The following MAGI2 variants were observed in gnomAD, a reference collection of about 807,000 sequenced individuals.
The protein encoded by MAGI2 is membrane associated guanylate kinase, WW and PDZ domain containing 2.
A neutral mutation model predicts 133.3 loss-of-function variants in MAGI2; 35 were observed. The observed-to-expected ratio is 0.26, with a 90% CI of 0.20 to 0.35. The LOEUF is 0.35. Among genes scored for constraint, MAGI2 ranks in the 10% least tolerant of loss-of-function variants. The pLI is 1.00. For synonymous variants in MAGI2, 729 were observed against 710.6 expected (o/e 1.03, Z -0.41); for missense variants, 1,636 against 1,863.4 (o/e 0.88, Z 2.25).
intron 9 of MAGI2, among the ~76,000 whole-genome samples, chr7:78,296,669 C>T (rs1321607037): frequency 6.6e-6 from 1 of 152,162 alleles, no homozygotes; most frequent in African/African-American, 2.4e-5. Flanking sequence ...TAGCTCACTC[C>T]CTTTTCTCCA....
intron 16 of MAGI2, among the ~76,000 whole-genome samples, chr7:78,155,480 G>C (rs1584178172): frequency 6.6e-6 from 1 of 152,096 alleles, no homozygotes; most frequent in Non-Finnish European, 1.5e-5. Flanking sequence ...TGGACATGGT[G>C]GTGCATGGTG....
intron 2 of MAGI2, among the ~76,000 whole-genome samples, chr7:78,889,301 C>T (rs1238508981): frequency 1.3e-5 from 2 of 152,206 alleles, no homozygotes; most frequent in Non-Finnish European, 2.9e-5. Flanking sequence ...TTGGAAAACA[C>T]TTTGCAGGAT....
intron 10 of MAGI2, among the ~76,000 whole-genome samples, chr7:78,210,682 G>A (rs1378111368): frequency 6.6e-6 from 1 of 152,186 alleles, no homozygotes; most frequent in African/African-American, 2.4e-5. Flanking sequence ...AAATAATGCA[G>A]CAAAATTGTG....
chr7:78,240,930 G>GA (rs1452431610), intron 10 of MAGI2, among the ~76,000 whole-genome samples: 1 of 151,338 alleles, frequency 6.6e-6, no homozygotes, highest in East Asian at 1.9e-4. Context: ...AATAAATTTG[G>GA]AAAAAAAAGA....
At chr7:79,222,301 A>T (rs1270566412) in intron 1 of MAGI2, among the ~76,000 whole-genome samples, 3 of 152,096 alleles carry the variant, frequency 2.0e-5, no homozygotes, top group African/African-American at 7.3e-5. Context: ...TACAGAGTAT[A>T]ACAAGAAATA....
At chr7:79,438,774 T>C (rs1261137615) in intron 1 of MAGI2, among the ~76,000 whole-genome samples, 1 of 152,184 alleles carries the variant, frequency 6.6e-6, no homozygotes, top group Admixed American at 6.5e-5. Context: ...AACTTAAGCC[T>C]TGCTCTCAGT....
intron 2 of MAGI2, among the ~76,000 whole-genome samples, chr7:78,880,732 C>G (rs1353006835): frequency 6.6e-6 from 1 of 152,114 alleles, no homozygotes; most frequent in East Asian, 1.9e-4. Flanking sequence ...CATTATTAAC[C>G]TTATATGTAA....
intron 2 of MAGI2, among the ~76,000 whole-genome samples, chr7:78,809,050 T>C (rs918302807): frequency 6.6e-6 from 1 of 152,202 alleles, no homozygotes; most frequent in African/African-American, 2.4e-5. Flanking sequence ...ATAGATTAAG[T>C]ATAACTTAAC....
chr7:78,475,853 C>T (rs1474195452), intron 6 of MAGI2, among the ~76,000 whole-genome samples: 1 of 151,714 alleles, frequency 6.6e-6, no homozygotes, highest in Non-Finnish European at 1.5e-5. Context: ...GACTCTAAAT[C>T]CAGCCCATCT....
At chr7:79,393,886 C>T (rs755772225) in intron 1 of MAGI2, among the ~76,000 whole-genome samples, 3 of 152,170 alleles carry the variant, frequency 2.0e-5, no homozygotes, top group Non-Finnish European at 4.4e-5. Flanking sequence ...TTAGGCTCCG[C>T]TCTGCTTAAA....
At chr7:78,706,853 T>C (rs1174489054) in intron 2 of MAGI2, among the ~76,000 whole-genome samples, 2 of 151,744 alleles carry the variant, frequency 1.3e-5, no homozygotes, top group Admixed American at 1.3e-4. Flanking sequence ...AATGGGAAAA[T>C]AGCAGTAAGG....
At chr7:78,771,420 T>C (rs1482618231) in intron 2 of MAGI2, 1 of 152,240 alleles carries the variant, frequency 6.6e-6, no homozygotes, top group East Asian at 1.9e-4. Flanking sequence ...TGAATTTTAA[T>C]ATACACACAG....
chr7:78,048,840 G>A (rs569097005), intron 21 of MAGI2, among the ~76,000 whole-genome samples: 10 of 152,290 alleles, frequency 6.6e-5, no homozygotes, highest in African/African-American at 9.6e-5. Context: ...TGTGTGCGGC[G>A]GCTCATGCCT....
chr7:78,605,270 G>T (rs1805680374), intron 3 of MAGI2, among the ~76,000 whole-genome samples: 1 of 152,206 alleles, frequency 6.6e-6, no homozygotes, highest in Middle Eastern at 3.2e-3. Context: ...AATGTTGATT[G>T]GCCTTGGTGA....
chr7:78,285,903 T>C (rs903165540), intron 9 of MAGI2: 1 of 152,150 alleles, frequency 6.6e-6, no homozygotes, highest in Admixed American at 6.6e-5. Context: ...AAAAACTTCT[T>C]TGTGCAGGTT....
At chr7:78,365,496 T>A (rs190515209) in intron 7 of MAGI2, among the ~76,000 whole-genome samples, 1 of 152,356 alleles carries the variant, frequency 6.6e-6, no homozygotes, top group African/African-American at 2.4e-5. Flanking sequence ...TGGTTCTGGA[T>A]AAGTTACTTA....
intron 3 of MAGI2, among the ~76,000 whole-genome samples, chr7:78,597,562 T>C (rs1285339847): frequency 6.6e-6 from 1 of 151,982 alleles, no homozygotes; most frequent in Non-Finnish European, 1.5e-5. Context: ...AAACAAGAAA[T>C]AGAGAAATAA....
chr7:79,084,288 A>AG (rs1456454148), intron 1 of MAGI2, among the ~76,000 whole-genome samples: 2 of 151,732 alleles, frequency 1.3e-5, no homozygotes, highest in African/African-American at 4.8e-5. Flanking sequence ...GTTTATAGCT[A>AG]CAGATTTCTC....
chr7:78,404,865 C>T (rs910160452), intron 6 of MAGI2, among the ~76,000 whole-genome samples: 5 of 152,074 alleles, frequency 3.3e-5, no homozygotes, highest in Non-Finnish European at 5.9e-5. Flanking sequence ...AAGAAACTAC[C>T]ATCAGAGTGA....
Sources: gnomAD v4.1 joint callset for allele counts (sites outside exome capture counted in the v4.1 genomes callset) on GRCh38, gnomAD v4.1.1 for gene constraint, MANE v1.5 for transcripts, NCBI Gene and HGNC (gene_info 2026-07-23, HGNC 2026-07-21) for gene names.